AGTPBP1: variants seen among roughly 807,000 people sequenced by gnomAD.
AGTPBP1 encodes the protein cytosolic carboxypeptidase 1.
In AGTPBP1, 70 loss-of-function variants were observed where a neutral mutation model predicts 143.9. That is an observed-to-expected ratio of 0.49 (90% confidence interval 0.40 to 0.59). The LOEUF (loss-of-function observed/expected upper bound fraction) is 0.59, where lower values mean the gene tolerates loss of function less well. Among genes scored for constraint, AGTPBP1 ranks in the 20% least tolerant of loss-of-function variants. The pLI is 0.00. For missense variants in AGTPBP1, 1,229 were observed against 1,464.5 expected (o/e 0.84, Z 2.62); for synonymous variants, 463 against 500.2 (o/e 0.93, Z 0.99).
chr9:85,800,807 T>TTGTGTG, the AGTPBP1 span, among the ~76,000 whole-genome samples: 1,546 of 144,646 alleles, frequency 0.011, 21 homozygotes, highest in African/African-American at 0.031. Flanking sequence ...TTTAGAATGG[T>TTGTGTG]TGTGTGTGTG....
chr9:85,720,797 A>G (rs1394008772), intron 1 of AGTPBP1, among the ~76,000 whole-genome samples: 1 of 152,134 alleles, frequency 6.6e-6, no homozygotes, highest in East Asian at 1.9e-4. Flanking sequence ...TCTTGTGGGC[A>G]TTTAGTGTTG....
intron 3 of AGTPBP1, among the ~76,000 whole-genome samples, chr9:85,682,092 A>C (rs1021925637): frequency 4.0e-5 from 6 of 151,470 alleles, no homozygotes; most frequent in Non-Finnish European, 5.9e-5. Context: ...AAAAACAAAC[A>C]AAACTAACAA....
At chr9:85,729,217 G>C (rs756866283) in intron 1 of AGTPBP1, among the ~76,000 whole-genome samples, 1 of 152,130 alleles carries the variant, frequency 6.6e-6, no homozygotes, top group African/African-American at 2.4e-5. Context: ...GAATGAAGCA[G>C]CATTACTCAC....
intron 1 of AGTPBP1, among the ~76,000 whole-genome samples, chr9:85,717,403 G>A (rs1406997001): frequency 6.6e-6 from 1 of 152,204 alleles, no homozygotes; most frequent in African/African-American, 2.4e-5. Flanking sequence ...TCAGGAAACT[G>A]AGGTGTGACA....
At chr9:85,734,625 G>T (rs988140189) in intron 1 of AGTPBP1, among the ~76,000 whole-genome samples, 1 of 152,204 alleles carries the variant, frequency 6.6e-6, no homozygotes, top group East Asian at 1.9e-4. Context: ...GTGTTGATGT[G>T]CATAGATTAG....
At chr9:85,577,117 T>A (rs888956270) in intron 24 of AGTPBP1, among the ~76,000 whole-genome samples, 38 of 152,088 alleles carry the variant, frequency 2.5e-4, no homozygotes, top group African/African-American at 8.7e-4. Flanking sequence ...TCGAAAAAAA[T>A]TTTTAAATTC....
chr9:85,585,522 C>A lies in AGTPBP1; in HGVS notation c.3106G>T (p.Val1036Leu), dbSNP rs1396777006. The change falls in exon 23 of 26, where the codon GTG becomes TTG. Residue 1036 changes from valine to leucine, a missense_variant. Transcript: ENST00000357081. ...GTTGCATTATCATTGGTATGCCACA[C>A]TGTCTCTTTGATGCTGCAACCATAC... ...FMYGCSIKET[V>L]WHTNDNATSC... The A allele has an allele frequency of 6.2e-6, 10 of 1,611,804 alleles. No homozygotes were observed. Among genetic ancestry groups the A allele is most frequent in the African/African-American group, 1.3e-5 (1 of 74,862 alleles).
At chr9:85,616,635 T>C (rs1830617308) in intron 17 of AGTPBP1, among the ~76,000 whole-genome samples, 1 of 151,966 alleles carries the variant, frequency 6.6e-6, no homozygotes, top group Admixed American at 6.5e-5. Context: ...ACCAATAAAA[T>C]TAATTTAATT....
the AGTPBP1 span, among the ~76,000 whole-genome samples, chr9:85,790,531 G>A: frequency 6.6e-6 from 1 of 152,078 alleles, no homozygotes; most frequent in South Asian, 2.1e-4. Flanking sequence ...CCAACATGGA[G>A]GTAATTAGAA....
chr9:85,661,756 A>T (rs76896765), intron 8 of AGTPBP1, among the ~76,000 whole-genome samples: 3,198 of 152,266 alleles, frequency 0.021, 128 homozygotes, highest in African/African-American at 0.072. Context: ...TTTTAATCAG[A>T]TACTGAAGAA....
intron 1 of AGTPBP1, chr9:85,741,574 G>A: frequency 2.0e-6 from 2 of 985,396 alleles, no homozygotes; most frequent in South Asian, 9.4e-5. Flanking sequence ...GCCCCACCCC[G>A]TCAGGGCTTT....
At chr9:85,728,025 T>TTA (rs1183079145) in intron 1 of AGTPBP1, among the ~76,000 whole-genome samples, 8,003 of 80,236 alleles carry the variant, frequency 0.1, 363 homozygotes, top group East Asian at 0.33. Flanking sequence ...AAATATATAT[T>TTA]TATATACACA....
At chr9:85,655,647 GA>G (rs1833452699) in intron 10 of AGTPBP1, among the ~76,000 whole-genome samples, 1 of 147,898 alleles carries the variant, frequency 6.8e-6, no homozygotes, top group African/African-American at 2.5e-5. Flanking sequence ...GGAAAAGGGG[GA>G]AAAGGATTAA....
Position 85,546,890 on chromosome 9 carries a change from T to G in AGTPBP1, c.*219A>C. 1 of 376,516 alleles carries G rather than the reference T, an allele frequency of 2.7e-6. No individual in the cohort carries two copies. Among genetic ancestry groups the G allele is most frequent in the East Asian group, 4.5e-5 (1 of 22,214 alleles). 23.3% of individuals were successfully genotyped at this position (376,516 alleles called of 1,614,324 possible). On this transcript the variant is annotated 3_prime_UTR_variant, in exon 26 of 26. Transcript: ENST00000357081. The stretch of plus-strand genomic sequence containing the variant: ...AAAGGTAAATCCAATATTTGATCAT[T>G]CAATGCTACATAAAGTGCATTGAAT...
intron 14 of AGTPBP1, among the ~76,000 whole-genome samples, chr9:85,621,954 C>A (rs1211886268): frequency 6.6e-6 from 1 of 152,156 alleles, no homozygotes; most frequent in Non-Finnish European, 1.5e-5. Flanking sequence ...ACAATCTTTA[C>A]CCCATCAATA....
the AGTPBP1 span, among the ~76,000 whole-genome samples, chr9:85,789,852 G>A: frequency 6.6e-6 from 1 of 152,106 alleles, no homozygotes; most frequent in Non-Finnish European, 1.5e-5. Context: ...TGACTATCAG[G>A]GAGTGAAATC....
intron 2 of AGTPBP1, among the ~76,000 whole-genome samples, chr9:85,703,495 A>G (rs868116916): frequency 6.6e-5 from 10 of 152,370 alleles, no homozygotes; most frequent in Admixed American, 6.5e-5. Context: ...GATACAAAAC[A>G]TAGTATTCAC....
chr9:85,672,459 A>G (rs1834546199), intron 7 of AGTPBP1, 91 bp downstream of exon 7: 2 of 1,379,930 alleles, frequency 1.4e-6, no homozygotes, highest in Admixed American at 4.5e-5. Context: ...TTTTTCACAA[A>G]TATCAGAGGT....
chr9:85,593,409 A>T (rs1337307158), intron 18 of AGTPBP1, among the ~76,000 whole-genome samples: 1 of 152,324 alleles, frequency 6.6e-6, no homozygotes, highest in South Asian at 2.1e-4. Context: ...GACTTAAGGG[A>T]CATGTCAACA....
Sources: allele counts gnomAD v4.1 joint callset (sites outside exome capture counted in the v4.1 genomes callset), GRCh38; gene constraint gnomAD v4.1.1; transcripts MANE v1.5; gene names NCBI Gene and HGNC (gene_info 2026-07-23, HGNC 2026-07-21).